The following ADAMTS2 variants were observed in gnomAD, a reference collection of about 807,000 sequenced individuals.
ADAMTS2 encodes ADAM metallopeptidase with thrombospondin type 1 motif 2.
Under a neutral mutation model 123.0 loss-of-function variants are expected in ADAMTS2, and 50 were observed. The ratio of observed to expected loss-of-function variants is 0.41; its 90% CI spans 0.32 to 0.51. The LOEUF is 0.51. Ranked by LOEUF, ADAMTS2 falls within the 20% of genes least tolerant of loss-of-function variation. The pLI, the probability that ADAMTS2 is intolerant of heterozygous loss-of-function variation, is 0.35. For missense variants in ADAMTS2, 1,494 were observed against 1,705.2 expected (o/e 0.88, Z 2.18); for synonymous variants, 678 against 695.4 (o/e 0.98, Z 0.39).
At position 179,260,483 on chromosome 5, in the gene ADAMTS2, G is replaced by A. The variant is rs1215125070; in HGVS notation, c.688+12428C>T. Among the ~76,000 whole-genome samples the A allele has an allele frequency of 6.6e-6, 1 of 152,154 alleles. No homozygotes were observed. The highest frequency in any genetic ancestry group is 1.5e-5 in the Non-Finnish European group (1 of 68,038). The stretch of plus-strand genomic sequence containing the variant: ...GTTAAGTGGAGTTCCAGGCCTTGGT[G>A]CTTGGAAGGCCCTCTGTCCAACAAA... On this transcript the variant is annotated intron_variant, in intron 3 of 21. Coordinates refer to ENST00000251582, the MANE Select transcript of ADAMTS2 (RefSeq NM_014244.5). This position sits in a 1 kb window ranked among gnomAD's most constrained non-coding sequence, Gnocchi z 4.2.
rs756876200 is a variant in ADAMTS2, at chr5:179,115,808, A to G, written c.3179-1484T>C. ...ATCTACACCTGAAGCTGTCCAAAAC[A>G]GACAAGACCCCCTTCCTTCCATCGA... On this transcript the variant is annotated intron_variant, in intron 21 of 21. Transcript: ENST00000251582. The surrounding 1 kb of genome is among the most constrained non-coding windows in gnomAD (Gnocchi z 4.4). Among the ~76,000 whole-genome samples, 2 of 152,180 alleles carry G rather than the reference A, an allele frequency of 1.3e-5. No homozygotes were observed. The highest frequency in any genetic ancestry group is 2.9e-5 in the Non-Finnish European group (2 of 68,030).
rs577891772 is a variant in ADAMTS2 at position 179,307,046 on chromosome 5, G to C, written c.535-33982C>G. 2.6e-5 allele frequency among the ~76,000 whole-genome samples: 4 copies of C among 152,242 alleles called. No individual in the cohort carries two copies. The highest frequency in any genetic ancestry group is 9.6e-5 in the African/African-American group (4 of 41,556). Reference sequence around the variant, plus strand: ...GATCAACCCTGGGCCTGAGTCCTTGGAGGTGAGGCCAGCACGTAGTAGAGG... The same window carrying C: ...GATCAACCCTGGGCCTGAGTCCTTGCAGGTGAGGCCAGCACGTAGTAGAGG... On this transcript the variant is annotated intron_variant, in intron 2 of 21. Coordinates refer to ENST00000251582, the MANE Select transcript of ADAMTS2 (RefSeq NM_014244.5). This position sits in a 1 kb window ranked among gnomAD's most constrained non-coding sequence, Gnocchi z 5.6.
intron 3 of ADAMTS2, among the ~76,000 whole-genome samples, chr5:179,252,678 T>C (rs1765956676): frequency 6.6e-6 from 1 of 152,216 alleles, no homozygotes; most frequent in African/African-American, 2.4e-5. Context: ...TTGCACTTAA[T>C]TGACCAGTTG....
At chr5:179,280,300 G>T (rs921035674) in intron 2 of ADAMTS2, among the ~76,000 whole-genome samples, 2 of 152,176 alleles carry the variant, frequency 1.3e-5, no homozygotes, top group African/African-American at 2.4e-5. Context: ...AGGGCAGGGT[G>T]GGGGGCGAGG....
At position 179,256,626 on chromosome 5, in the gene ADAMTS2, C is replaced by T. The variant is rs1020441128; in HGVS notation, c.688+16285G>A. Among the ~76,000 whole-genome samples, 59 of 152,036 alleles carry T rather than the reference C, an allele frequency of 3.9e-4. No homozygotes were observed. Among genetic ancestry groups the T allele is most frequent in the African/African-American group, 1.3e-3 (54 of 41,372 alleles). On this transcript the variant is annotated intron_variant, in intron 3 of 21. Transcript: ENST00000251582. This position sits in a 1 kb window ranked among gnomAD's most constrained non-coding sequence, Gnocchi z 4.1. ...CACACTCCACTGCAAACCAGGCAGG[C>T]GGGGCCAGCATGAGTGGGGGGGCCA...
chr5:179,208,659 C>G (rs542436756), intron 3 of ADAMTS2, among the ~76,000 whole-genome samples: 1 of 152,336 alleles, frequency 6.6e-6, no homozygotes, highest in African/African-American at 2.4e-5. Context: ...CACTGCCCGT[C>G]TGAAGGCCAC....
At chr5:179,273,662 A>G (rs1021304571) in intron 2 of ADAMTS2, among the ~76,000 whole-genome samples, 60 of 151,926 alleles carry the variant, frequency 3.9e-4, no homozygotes, top group African/African-American at 1.4e-3. Flanking sequence ...TCTTGGATGG[A>G]ACACATGCCC....
rs1055319052 is a variant in ADAMTS2, at chr5:179,175,402, T to C, written c.975+5670A>G. Among the ~76,000 whole-genome samples the C allele has an allele frequency of 1.3e-5, 2 of 152,264 alleles. No individual in the cohort carries two copies. Among genetic ancestry groups the C allele is most frequent in the Non-Finnish European group, 2.9e-5 (2 of 68,046 alleles). On this transcript the variant is annotated intron_variant, in intron 5 of 21. Transcript: ENST00000251582. The surrounding 1 kb of genome is among the most constrained non-coding windows in gnomAD (Gnocchi z 4.1). ...ATCTGGGAAAGGCCAACCTCTCGAT[T>C]ATACCCAGCTTCCCATGAGGACAGC...
intron 2 of ADAMTS2, among the ~76,000 whole-genome samples, chr5:179,297,278 T>C (rs1756365617): frequency 6.6e-6 from 1 of 152,072 alleles, no homozygotes; most frequent in South Asian, 2.1e-4. Flanking sequence ...CGAAAGCAAA[T>C]GAGTATTCTT....
In ADAMTS2 at chr5:179,260,695, C is replaced by T. The variant is rs1766194901; in HGVS notation, c.688+12216G>A. ...TGTGCGACCGTCGGCACCTCAGTTT[C>T]CTCATCTGTAACGTGGGCACAGCAA... On this transcript the variant is annotated intron_variant, in intron 3 of 21. Coordinates refer to ENST00000251582, the MANE Select transcript of ADAMTS2 (RefSeq NM_014244.5). The surrounding 1 kb of genome is among the most constrained non-coding windows in gnomAD (Gnocchi z 4.2). 6.6e-6 allele frequency among the ~76,000 whole-genome samples: 1 copy of T among 152,192 alleles called. No individual in the cohort carries two copies. The highest frequency in any genetic ancestry group is 1.5e-5 in the Non-Finnish European group (1 of 68,024).
intron 11 of ADAMTS2, among the ~76,000 whole-genome samples, chr5:179,138,892 C>T (rs1763112654): frequency 6.6e-6 from 1 of 152,232 alleles, no homozygotes; most frequent in Non-Finnish European, 1.5e-5. Context: ...AGCGCAGCAG[C>T]CGGGACGCAC....
chr5:179,244,462 A>C lies in ADAMTS2; in HGVS notation c.688+28449T>G, dbSNP rs182015544. ...TATAGACAGTCCCAGATAAGTAAAA[A>C]CAGAGAATTATGAGTAGACCCATTT... On this transcript the variant is annotated intron_variant, in intron 3 of 21. Transcript: ENST00000251582. 3.4e-3 allele frequency among the ~76,000 whole-genome samples: 513 copies of C among 152,336 alleles called. 5 individuals are homozygous for C. The highest frequency in any genetic ancestry group is 6.0e-3 in the Admixed American group (92 of 15,298).
chr5:179,258,028 C>T (rs1271486839), intron 3 of ADAMTS2, among the ~76,000 whole-genome samples: 1 of 152,166 alleles, frequency 6.6e-6, no homozygotes, highest in Admixed American at 6.5e-5. Flanking sequence ...CATCAGTGTG[C>T]CCATACGAGA....
chr5:179,249,427 T>C (rs1729388584), intron 3 of ADAMTS2, among the ~76,000 whole-genome samples: 1 of 151,770 alleles, frequency 6.6e-6, no homozygotes, highest in South Asian at 2.1e-4. Context: ...AAATAGAGAA[T>C]TGAAAAACAA....
intron 17 of ADAMTS2, 121 bp downstream of exon 17, chr5:179,127,838 G>A: frequency 1.4e-6 from 2 of 1,392,176 alleles, no homozygotes; most frequent in Non-Finnish European, 2.0e-6. Context: ...GCCCACCCAG[G>A]CAAAGGTCCC....
rs1470685032 is a variant in ADAMTS2, at chr5:179,175,395, T to C, written c.975+5677A>G. 6.6e-6 allele frequency among the ~76,000 whole-genome samples: 1 copy of C among 152,264 alleles called. No homozygotes were observed. The highest frequency in any genetic ancestry group is 6.5e-5 in the Admixed American group (1 of 15,288). ...ACTATGAATCTGGGAAAGGCCAACC[T>C]CTCGATTATACCCAGCTTCCCATGA... On this transcript the variant is annotated intron_variant, in intron 5 of 21. Transcript: ENST00000251582. This position sits in a 1 kb window ranked among gnomAD's most constrained non-coding sequence, Gnocchi z 4.1.
intron 2 of ADAMTS2, among the ~76,000 whole-genome samples, chr5:179,302,319 C>T (rs896903789): frequency 1.1e-4 from 15 of 133,026 alleles, no homozygotes; most frequent in East Asian, 2.3e-4. Context: ...AAACATTAGC[C>T]GGGCGTGGTG....
At position 179,117,199 on chromosome 5, in the gene ADAMTS2, A is replaced by G. The variant is rs1762672012; in HGVS notation, c.3179-2875T>C. On this transcript the variant is annotated intron_variant, in intron 21 of 21. Transcript: ENST00000251582. The surrounding 1 kb of genome is among the most constrained non-coding windows in gnomAD (Gnocchi z 4.2). ...TGTGAAACCACTGAGCCCTACCCTC[A>G]GGGAAACACAGGGGGTTCTGGATAA... Among the ~76,000 whole-genome samples the G allele has an allele frequency of 6.6e-6, 1 of 152,138 alleles. No individual in the cohort carries two copies. The highest frequency in any genetic ancestry group is 6.5e-5 in the Admixed American group (1 of 15,284).
chr5:179,230,103 A>G (rs868578847), intron 3 of ADAMTS2, among the ~76,000 whole-genome samples: 4 of 152,298 alleles, frequency 2.6e-5, no homozygotes, highest in Middle Eastern at 6.8e-3. Context: ...GTCAGGAGGG[A>G]TGGGCTTGGC....
Sources: gnomAD v4.1 joint callset for allele counts (sites outside exome capture counted in the v4.1 genomes callset) on GRCh38, gnomAD v4.1.1 for gene constraint, Gnocchi (gnomAD v3.1) non-coding constraint, MANE v1.5 for transcripts, NCBI Gene and HGNC (gene_info 2026-07-23, HGNC 2026-07-21) for gene names.